Variants in SKAP1 observed in about 807,000 individuals in gnomAD.
SKAP1 encodes the protein src kinase-associated phosphoprotein 1.
In SKAP1, 44 loss-of-function variants were observed where a neutral mutation model predicts 58.5. That is an observed-to-expected ratio of 0.75 (90% CI 0.59 to 0.97). SKAP1 has a LOEUF of 0.97. SKAP1 is among the 50% of genes least tolerant of loss of function. The pLI, the probability that SKAP1 is intolerant of heterozygous loss-of-function variation, is 0.00. For missense variants in SKAP1, 390 were observed against 435.2 expected (o/e 0.90, Z 0.92); for synonymous variants, 127 against 149.7 (o/e 0.85, Z 1.11).
At chr17:48,149,398 G>A (rs1240383344) in intron 11 of SKAP1, among the ~76,000 whole-genome samples, 1 of 152,162 alleles carries the variant, frequency 6.6e-6, no homozygotes, top group Non-Finnish European at 1.5e-5. Flanking sequence ...ATGGAAGAGA[G>A]TTGCACATCA....
At chr17:48,403,334 T>C (rs539626054) in intron 1 of SKAP1, among the ~76,000 whole-genome samples, 1 of 152,106 alleles carries the variant, frequency 6.6e-6, no homozygotes, top group African/African-American at 2.4e-5. Flanking sequence ...ACCCACTGCA[T>C]TCCAGCTGGG....
At chr17:48,420,988 A>C (rs2067786357) in intron 1 of SKAP1, among the ~76,000 whole-genome samples, 1 of 152,172 alleles carries the variant, frequency 6.6e-6, no homozygotes, top group Admixed American at 6.5e-5. Context: ...GGGCCTACAC[A>C]ACCCAGGACA....
intron 11 of SKAP1, chr17:48,156,463 C>T (rs779157281): frequency 7.5e-6 from 4 of 530,330 alleles, no homozygotes; most frequent in Admixed American, 3.9e-5. Context: ...CACTGAAGAG[C>T]GCTAAACACC....
At chr17:48,217,549 A>C (rs1162031865) in intron 4 of SKAP1, among the ~76,000 whole-genome samples, 1 of 152,118 alleles carries the variant, frequency 6.6e-6, no homozygotes, top group Non-Finnish European at 1.5e-5. Flanking sequence ...CGGGAGGCTG[A>C]GGTGAGAGGA....
chr17:48,256,196 TGAG>T (rs752389138), intron 4 of SKAP1, among the ~76,000 whole-genome samples: 2 of 151,864 alleles, frequency 1.3e-5, no homozygotes, highest in African/African-American at 2.4e-5. Flanking sequence ...TGTGTGTGTG[TGAG>T]GAGTTCACAC....
At chr17:48,438,477 G>A in the SKAP1 span, among the ~76,000 whole-genome samples, 2 of 152,196 alleles carry the variant, frequency 1.3e-5, no homozygotes, top group Non-Finnish European at 2.9e-5. Context: ...TGCCAAGGAT[G>A]AGAGTTTTCC....
intron 11 of SKAP1, among the ~76,000 whole-genome samples, chr17:48,140,305 T>G (rs1242272880): frequency 6.6e-6 from 1 of 152,216 alleles, no homozygotes. Flanking sequence ...GGCCTTTTAT[T>G]CTCTTAGTTT....
At chr17:48,278,474 G>C (rs563769874) in intron 4 of SKAP1, among the ~76,000 whole-genome samples, 61 of 152,322 alleles carry the variant, frequency 4.0e-4, no homozygotes, top group African/African-American at 1.4e-3. Context: ...AGTTCAACGA[G>C]AGTGGAGAAA....
chr17:48,255,268 C>T (rs1189505756), intron 4 of SKAP1, among the ~76,000 whole-genome samples: 2 of 151,996 alleles, frequency 1.3e-5, no homozygotes, highest in Non-Finnish European at 2.9e-5. Context: ...AGAGTGGAGA[C>T]TGCAGTCATC....
At chr17:48,438,710 G>A in the SKAP1 span, among the ~76,000 whole-genome samples, 1 of 152,116 alleles carries the variant, frequency 6.6e-6, no homozygotes, top group Non-Finnish European at 1.5e-5. Context: ...TTCACTTATT[G>A]CAGCAAAAAC....
chr17:48,334,907 T>C (rs558204311), intron 4 of SKAP1, among the ~76,000 whole-genome samples: 52 of 151,950 alleles, frequency 3.4e-4, no homozygotes, highest in Non-Finnish European at 1.3e-4. Context: ...TTAATAAAAG[T>C]AAATTGATTT....
chr17:48,353,938 G>GGAA (rs10695123), intron 3 of SKAP1, among the ~76,000 whole-genome samples: 27,167 of 144,590 alleles, frequency 0.19, 2,905 homozygotes, highest in African/African-American at 0.28. Flanking sequence ...AAGAAGAAGA[G>GGAA]GAAGAAGAAG....
intron 11 of SKAP1, among the ~76,000 whole-genome samples, chr17:48,161,327 T>G (rs532543229): frequency 6.6e-6 from 1 of 152,234 alleles, no homozygotes; most frequent in South Asian, 2.1e-4. Context: ...GGAATCCACA[T>G]ACTCAGCAAT....
At chr17:48,386,757 A>G (rs2067282141) in intron 2 of SKAP1, among the ~76,000 whole-genome samples, 2 of 152,108 alleles carry the variant, frequency 1.3e-5, no homozygotes, top group Non-Finnish European at 2.9e-5. Flanking sequence ...AAGCTAGAAA[A>G]CCTCATGAGG....
the SKAP1 span, among the ~76,000 whole-genome samples, chr17:48,436,753 T>C: frequency 6.6e-6 from 1 of 152,004 alleles, no homozygotes; most frequent in Non-Finnish European, 1.5e-5. Flanking sequence ...TCATGTCCTT[T>C]CTCCTCCGTC....
chr17:48,309,088 C>A (rs1248937608), intron 4 of SKAP1, among the ~76,000 whole-genome samples: 6 of 151,998 alleles, frequency 3.9e-5, no homozygotes, highest in African/African-American at 1.4e-4. Context: ...GCATTTTCAT[C>A]CCAATTCATG....
chr17:48,255,549 A>G (rs2065414012), intron 4 of SKAP1, among the ~76,000 whole-genome samples: 1 of 151,978 alleles, frequency 6.6e-6, no homozygotes, highest in Non-Finnish European at 1.5e-5. Flanking sequence ...TACATTCAAA[A>G]TGATTCCCCT....
chr17:48,150,913 T>G (rs1184132523), intron 11 of SKAP1, among the ~76,000 whole-genome samples: 2 of 152,326 alleles, frequency 1.3e-5, no homozygotes, highest in African/African-American at 2.4e-5. Flanking sequence ...ACACTTGCTG[T>G]GGCTCCTGTG....
chr17:48,344,641 A>C (rs938504571), intron 4 of SKAP1, among the ~76,000 whole-genome samples: 3 of 152,204 alleles, frequency 2.0e-5, no homozygotes, highest in Non-Finnish European at 4.4e-5. Context: ...GTAATTATTA[A>C]ACTTTCAATC....
Sources: gnomAD v4.1 joint callset for allele counts (sites outside exome capture counted in the v4.1 genomes callset) on GRCh38, gnomAD v4.1.1 for gene constraint, MANE v1.5 for transcripts, NCBI Gene and HGNC (gene_info 2026-07-23, HGNC 2026-07-21) for gene names.